Variants in TOR1AIP2 observed in about 807,000 individuals in gnomAD.
TOR1AIP2 encodes the protein torsin-1A-interacting protein 2.
TOR1AIP2 carries 20 observed loss-of-function variants against 32.6 expected under a neutral mutation model. The ratio of observed to expected loss-of-function variants is 0.61; its 90% confidence interval spans 0.43 to 0.89. The LOEUF is 0.89. Ranked by LOEUF, TOR1AIP2 falls within the 40% of genes least tolerant of loss-of-function variation. TOR1AIP2 has a pLI of 0.00. For synonymous variants in TOR1AIP2, 214 were observed against 210.8 expected (o/e 1.02, Z -0.13); for missense variants, 456 against 553.8 (o/e 0.82, Z 1.77).
At chr1:179,874,364 T>C (rs1457050100) in intron 2 of TOR1AIP2, 1 of 152,206 alleles carries the variant, frequency 6.6e-6, no homozygotes, top group African/African-American at 2.4e-5. Context: ...CAGTAAGCCA[T>C]GATAGTGCCA....
intron 2 of TOR1AIP2, among the ~76,000 whole-genome samples, chr1:179,866,500 C>T (rs867350929): frequency 1.3e-5 from 2 of 152,120 alleles, no homozygotes; most frequent in Non-Finnish European, 2.9e-5. Context: ...GCAATCTCCG[C>T]CTCCTGGGTT....
chr1:179,863,506 A>AG (rs1245835097), intron 3 of TOR1AIP2: 2 of 984,922 alleles, frequency 2.0e-6, no homozygotes, highest in African/African-American at 1.8e-5. Flanking sequence ...GTACTCATTG[A>AG]GAAAAAAAAA....
intron 3 of TOR1AIP2, chr1:179,859,962 G>A: frequency 1.6e-6 from 1 of 614,130 alleles, no homozygotes; most frequent in Non-Finnish European, 2.0e-6. Context: ...TCAGCCTCCT[G>A]AGTAGCTGGG....
At position 179,858,413 on chromosome 1, in the gene TOR1AIP2, T is replaced by G. The variant is rs935082820; in HGVS notation, c.-146-5602A>C. Among the ~76,000 whole-genome samples the G allele has an allele frequency of 2.6e-5, 4 of 152,030 alleles. No individual in the cohort carries two copies. The East Asian group carries it at 5.8e-4, about 22-fold the overall frequency. On this transcript the variant is annotated intron_variant, in intron 3 of 6. Coordinates refer to ENST00000609928, the MANE Select transcript of TOR1AIP2 (RefSeq NM_001199260.2). ...GCAAGGAATAAGAGAGGGTGTCAACTGTACACATAAAGTTTCCTTAAAAAA... is the reference window on the plus strand; with the variant it reads ...GCAAGGAATAAGAGAGGGTGTCAACGGTACACATAAAGTTTCCTTAAAAAA...
Position 179,852,738 on chromosome 1 carries a change from G to GC in TOR1AIP2, c.-74_-73insG. ...TTGGTTTTCCTTGTGAAGATGTCTTGTTTTCTTCTTGTCCCAAGTCCCAAC... is the reference window on the plus strand; with the variant it reads ...TTGGTTTTCCTTGTGAAGATGTCTTGCTTTTCTTCTTGTCCCAAGTCCCAAC... On this transcript the variant is annotated 5_prime_UTR_variant, in exon 4 of 7. It removes the in-frame stop codon of an upstream open reading frame in the 5' UTR. Transcript: ENST00000609928. The GC allele has an allele frequency of 6.2e-7, 1 of 1,608,266 alleles. No homozygotes were observed. The highest frequency in any genetic ancestry group is 1.7e-5 in the Admixed American group (1 of 59,482).
chr1:179,864,583 G>C, intron 3 of TOR1AIP2: 1 of 1,322,502 alleles, frequency 7.6e-7, no homozygotes, highest in South Asian at 2.1e-5. Flanking sequence ...CCTCAGTCTA[G>C]ATGAACAGGC....
chr1:179,869,680 TA>T (rs1322782147), intron 2 of TOR1AIP2, among the ~76,000 whole-genome samples: 1 of 152,146 alleles, frequency 6.6e-6, no homozygotes, highest in Non-Finnish European at 1.5e-5. Context: ...AGAAATAAGG[TA>T]AAAGAAGCCT....
chr1:179,866,761 G>C (rs950104976), intron 2 of TOR1AIP2, among the ~76,000 whole-genome samples: 1 of 152,200 alleles, frequency 6.6e-6, no homozygotes, highest in Non-Finnish European at 1.5e-5. Flanking sequence ...AGGCAAGTAA[G>C]GCACAGCCCT....
chr1:179,851,381 T>C lies in TOR1AIP2; in HGVS notation c.35-18A>G, dbSNP rs1696111294. The C allele has an allele frequency of 6.8e-7, 1 of 1,477,500 alleles. No homozygotes were observed. The allele number at this position is 1,477,500 out of a possible 1,614,324, so 91.5% of individuals were successfully genotyped here. ...TTGAGAGTCTATTGAGATAAAAGTT[T>C]ATAATTTTTATTGGAAAAAATTCCC... On this transcript the variant is annotated intron_variant, in intron 4 of 6. Transcript: ENST00000609928.
Position 179,850,891 on chromosome 1 carries a change from T to C in TOR1AIP2, c.507A>G (p.Ala169=), listed in dbSNP as rs756750047. ...TCAGTGTATCCTCACCCTCTTGCCC[T>C]GCACTGGAATGACCAGGACTCTGGG... ...QEAQSPGHSS[A]GQEGEDTLRR... The change falls in exon 5 of 7, where the codon GCA becomes GCG. Residue 169 remains alanine (A), a synonymous_variant. Transcript: ENST00000609928. 25 of 1,614,060 alleles carry C rather than the reference T, an allele frequency of 1.5e-5. No individual in the cohort carries two copies. In the Admixed American group the frequency reaches 4.2e-4, roughly 27 times the overall value.
In TOR1AIP2 at chr1:179,851,385, AT is replaced by A. The variant is rs753071254; in HGVS notation, c.35-23del. 6.8e-6 allele frequency: 10 copies of A among 1,465,940 alleles called. No individual in the cohort carries two copies. In the South Asian group the frequency reaches 1.5e-4, roughly 22 times the overall value. The allele number at this position is 1,465,940 out of a possible 1,614,324, so 90.8% of individuals were successfully genotyped here. On this transcript the variant is annotated intron_variant, in intron 4 of 6. Transcript: ENST00000609928. ...GAGTCTATTGAGATAAAAGTTTATA[AT>A]TTTTATTGGAAAAAATTCCCCATAA...
In TOR1AIP2 at chr1:179,851,156, T is replaced by C; in HGVS notation, c.242A>G (p.His81Arg). 1 of 1,614,210 alleles carries C rather than the reference T, an allele frequency of 6.2e-7. No homozygotes were observed. Residue 81 changes from histidine to arginine, a missense_variant, in exon 5 of 7, where the codon CAT becomes CGT. Transcript: ENST00000609928. Reference protein sequence around the residue: ...ESPDEANVGKHPKDKTEDENK... With the variant: ...ESPDEANVGKRPKDKTEDENK... ...CTCATCTTCTGTTTTATCCTTTGGA[T>C]GTTTCCCCACATTTGCTTCATCTGG...
intron 3 of TOR1AIP2, among the ~76,000 whole-genome samples, chr1:179,858,617 A>T (rs1409553618): frequency 3.3e-5 from 5 of 152,238 alleles, no homozygotes; most frequent in Admixed American, 6.5e-5. Flanking sequence ...GGAAAGACCT[A>T]TAATGGAAAC....
At chr1:179,857,308 G>A (rs1696340180) in intron 3 of TOR1AIP2, among the ~76,000 whole-genome samples, 1 of 152,198 alleles carries the variant, frequency 6.6e-6, no homozygotes, top group Admixed American at 6.5e-5. Context: ...GCTGAAATCT[G>A]CAGCAAAACT....
chr1:179,868,505 C>G (rs902518139), intron 2 of TOR1AIP2: 5 of 152,146 alleles, frequency 3.3e-5, no homozygotes, highest in African/African-American at 1.2e-4. Flanking sequence ...CCTAGTAAAA[C>G]TGAAGATGTG....
intron 2 of TOR1AIP2, 78 bp downstream of exon 2, chr1:179,877,161 A>G (rs1647390236): frequency 3.3e-5 from 5 of 152,180 alleles, no homozygotes; most frequent in Admixed American, 3.3e-4. Context: ...CCAAAAATTT[A>G]CTCACATCTT....
chr1:179,845,899 A>G lies in TOR1AIP2; in HGVS notation c.*172T>C, dbSNP rs992624382. On this transcript the variant is annotated 3_prime_UTR_variant, in exon 7 of 7. Transcript: ENST00000609928. ...TTAGCTTTGTCAAGGCTTAGATTAG[A>G]AAGATTTTACAAGGAATAAAAAATA... is the stretch of plus-strand genomic sequence containing the variant. The G allele has an allele frequency of 5.3e-5, 35 of 655,376 alleles. 1 individual carries two copies. Among genetic ancestry groups the G allele is most frequent in the Non-Finnish European group, 7.7e-5 (32 of 415,130 alleles). 40.6% of individuals were successfully genotyped at this position (655,376 alleles called of 1,614,324 possible).
intron 2 of TOR1AIP2, among the ~76,000 whole-genome samples, chr1:179,870,079 C>T (rs1472662790): frequency 6.6e-6 from 1 of 150,572 alleles, no homozygotes; most frequent in African/African-American, 2.4e-5. Context: ...TTCCAGGAGT[C>T]CTGAATCCTC....
chr1:179,855,095 T>C (rs554810651), intron 3 of TOR1AIP2, among the ~76,000 whole-genome samples: 2 of 152,296 alleles, frequency 1.3e-5, no homozygotes, highest in South Asian at 2.1e-4. Flanking sequence ...CCTATTCATA[T>C]AAAAATCAAC....
Sources: gnomAD v4.1 joint callset for allele counts (sites outside exome capture counted in the v4.1 genomes callset) on GRCh38, gnomAD v4.1.1 for gene constraint, MANE v1.5 for transcripts, NCBI Gene and HGNC (gene_info 2026-07-23, HGNC 2026-07-21) for gene names.